Variants in ZNF442 observed in about 807,000 individuals in gnomAD.
ZNF442 encodes zinc finger protein 442.
In ZNF442, 45 loss-of-function variants were observed where a neutral mutation model predicts 57.0. The ratio of observed to expected loss-of-function variants is 0.79; its 90% CI spans 0.62 to 1.01. The LOEUF (loss-of-function observed/expected upper bound fraction) is 1.01, where lower values mean the gene tolerates loss of function less well. Among genes scored for constraint, ZNF442 ranks in the 50% least tolerant of loss-of-function variants. The pLI is 0.00. For missense variants in ZNF442, 690 were observed against 756.5 expected, an observed-to-expected ratio of 0.91 and a Z score of 1.03; for synonymous variants, 213 against 241.8, an observed-to-expected ratio of 0.88 and a Z score of 1.10.
chr19:12,360,288 C>A (rs541188396), intron 3 of ZNF442, among the ~76,000 whole-genome samples: 17 of 152,288 alleles, frequency 1.1e-4, no homozygotes, highest in Middle Eastern at 3.4e-3. Context: ...AGCCCCACAA[C>A]AGTAACAAAT....
At chr19:12,366,054 C>CA (rs1387958220), upstream of ZNF442, 1 of 152,264 alleles carries the variant, frequency 6.6e-6, no homozygotes, top group Non-Finnish European at 1.5e-5. Context: ...CCAGGCCACA[C>CA]AAACCACACT....
chr19:12,365,925 G>A (rs149059671), upstream of ZNF442: 1,160 of 152,740 alleles, frequency 7.6e-3, 16 homozygotes, highest in African/African-American at 0.026. Context: ...TTTCCTGCCT[G>A]TACTCAATGG....
At chr19:12,363,861 G>A (rs1161694078) in intron 2 of ZNF442, among the ~76,000 whole-genome samples, 190 bp from the exon 3 acceptor site, 1 of 152,174 alleles carries the variant, frequency 6.6e-6, no homozygotes, top group Non-Finnish European at 1.5e-5. Flanking sequence ...CCCAGAGACA[G>A]GGCAGCTGTG....
rs74181651 is a variant in ZNF442 at position 12,348,963 on chromosome 19, C to G, written c.*738G>C. On this transcript the variant is annotated 3_prime_UTR_variant, in exon 6 of 6. Coordinates refer to ENST00000242804, the MANE Select transcript of ZNF442 (RefSeq NM_030824.3). Reference sequence around the variant, plus strand: ...TGGGAGACCAAGGCAGGCAGATCATCTGAGGTCAGGAGTTCGAGACCAGCC... The same window carrying G: ...TGGGAGACCAAGGCAGGCAGATCATGTGAGGTCAGGAGTTCGAGACCAGCC... 1 of 144,524 alleles carries G rather than the reference C, an allele frequency of 6.9e-6. No homozygotes were observed. The highest frequency in any genetic ancestry group is 1.5e-5 in the Non-Finnish European group (1 of 67,080). 9.0% of individuals were successfully genotyped at this position (144,524 alleles called of 1,614,324 possible).
At chr19:12,360,550 C>G (rs1226067503) in intron 3 of ZNF442, among the ~76,000 whole-genome samples, 1 of 152,124 alleles carries the variant, frequency 6.6e-6, no homozygotes, top group African/African-American at 2.4e-5. Flanking sequence ...GTTTAGTTAG[C>G]ATTTATTTAT....
chr19:12,356,657 C>T (rs187845578), intron 3 of ZNF442, among the ~76,000 whole-genome samples: 17 of 151,030 alleles, frequency 1.1e-4, no homozygotes, highest in African/African-American at 4.2e-4. Context: ...AGAAACAAGG[C>T]AAGGCAATAA....
At chr19:12,352,217 C>T (rs1969251793) in intron 4 of ZNF442, 147 bp from the exon 5 acceptor site, 1 of 683,196 alleles carries the variant, frequency 1.5e-6, no homozygotes, top group South Asian at 2.3e-5. Flanking sequence ...CTCGTAAGTC[C>T]ACTTATTTTA....
At chr19:12,372,962 C>T in the ZNF442 span, among the ~76,000 whole-genome samples, 3 of 152,142 alleles carry the variant, frequency 2.0e-5, no homozygotes, top group South Asian at 2.1e-4. Flanking sequence ...TTAGTAGAGA[C>T]AGGGTTTCAC....
intron 4 of ZNF442, among the ~76,000 whole-genome samples, chr19:12,352,703 T>A (rs1177768241): frequency 6.6e-6 from 1 of 152,216 alleles, no homozygotes; most frequent in Non-Finnish European, 1.5e-5. Flanking sequence ...TTCTCTAGCT[T>A]ACATTTTTAT....
In ZNF442 at chr19:12,347,242, C is replaced by A. The variant is rs1266401257; in HGVS notation, c.*2459G>T. On this transcript the variant is annotated 3_prime_UTR_variant, in exon 6 of 6. Transcript: ENST00000242804. ...ATACTTGCCAAAATCTACAGTCAAC[C>A]CTTTTTCCTTGTCTTATTCAAATTC... 1 of 152,144 alleles carries A rather than the reference C, an allele frequency of 6.6e-6. No homozygotes were observed. Among genetic ancestry groups the A allele is most frequent in the Non-Finnish European group, 1.5e-5 (1 of 68,022 alleles). 9.4% of individuals were successfully genotyped at this position (152,144 alleles called of 1,614,324 possible).
At position 12,348,012 on chromosome 19, in the gene ZNF442, T is replaced by C. The variant is rs897524869; in HGVS notation, c.*1689A>G. 4 of 152,182 alleles carry C rather than the reference T, an allele frequency of 2.6e-5. No homozygotes were observed. The highest frequency in any genetic ancestry group is 4.8e-5 in the African/African-American group (2 of 41,446). The allele number at this position is 152,182 out of a possible 1,614,324, so 9.4% of individuals were successfully genotyped here. ...CACTTGAAACATGTGCAGCAGTTTT[T>C]GGGGCATCTACAGCCTCTGCAAGGT... On this transcript the variant is annotated 3_prime_UTR_variant, in exon 6 of 6. Transcript: ENST00000242804.
intron 3 of ZNF442, among the ~76,000 whole-genome samples, chr19:12,361,953 C>A (rs548152476): frequency 1.3e-5 from 2 of 152,336 alleles, no homozygotes; most frequent in African/African-American, 4.8e-5. Context: ...AGCTCCTAAC[C>A]GCGAGTGATC....
chr19:12,363,207 GT>G (rs1271063924), intron 3 of ZNF442, among the ~76,000 whole-genome samples: 2 of 148,712 alleles, frequency 1.3e-5, no homozygotes, highest in African/African-American at 4.9e-5. Flanking sequence ...TATGTGACCT[GT>G]TTTCTGAAAT....
At chr19:12,356,449 G>A (rs761992990) in intron 3 of ZNF442, among the ~76,000 whole-genome samples, 7 of 152,152 alleles carry the variant, frequency 4.6e-5, no homozygotes, top group Middle Eastern at 3.4e-3. Flanking sequence ...GCAACATGGC[G>A]AAAACCTGTC....
At chr19:12,361,624 A>T (rs1969426549) in intron 3 of ZNF442, among the ~76,000 whole-genome samples, 2 of 152,102 alleles carry the variant, frequency 1.3e-5, no homozygotes, top group Non-Finnish European at 2.9e-5. Flanking sequence ...CTGGGGGAAA[A>T]AAAAAGTAAA....
chr19:12,362,778 T>C (rs1166616819), intron 3 of ZNF442, among the ~76,000 whole-genome samples: 1 of 150,284 alleles, frequency 6.7e-6, no homozygotes, highest in African/African-American at 2.5e-5. Context: ...GTGGGGGAAG[T>C]GTGGGGAAAG....
chr19:12,355,872 T>C (rs1488978404), intron 3 of ZNF442, among the ~76,000 whole-genome samples: 1 of 151,832 alleles, frequency 6.6e-6, no homozygotes, highest in Non-Finnish European at 1.5e-5. Flanking sequence ...GGGAGGCTGA[T>C]GCCTGTAGTC....
Position 12,350,083 on chromosome 19 carries a change from G to C in ZNF442, c.1502C>G (p.Thr501Arg), listed in dbSNP as rs1286199507. ...KECGKAFSCF[T>R]YLSQHRRTHM... is the part of the protein sequence containing the mutation. ...AGTCCTTCTATGTTGAGAAAGGTAT[G>C]TGAAACAACTGAATGCTTTCCCACA... is the stretch of plus-strand genomic sequence containing the variant. The change falls in exon 6 of 6, where the codon ACA becomes AGA. Residue 501 changes from threonine (T) to arginine (R), a missense_variant. Transcript: ENST00000242804. The C allele has an allele frequency of 9.3e-6, 15 of 1,613,050 alleles. No homozygotes were observed. In the Middle Eastern group the frequency reaches 5.0e-4, roughly 53 times the overall value.
intron 3 of ZNF442, among the ~76,000 whole-genome samples, chr19:12,363,298 AGAGT>A (rs1238681173): frequency 1.3e-5 from 2 of 152,146 alleles, no homozygotes; most frequent in African/African-American, 2.4e-5. Context: ...GAAGCTGAAA[AGAGT>A]GAGTATCTCT....
Sources: allele counts gnomAD v4.1 joint callset (sites outside exome capture counted in the v4.1 genomes callset), GRCh38; gene constraint gnomAD v4.1.1; transcripts MANE v1.5; gene names NCBI Gene and HGNC (gene_info 2026-07-23, HGNC 2026-07-21).